The following METTL15 variants were observed in gnomAD, a reference collection of about 807,000 sequenced individuals.
METTL15 encodes the protein 12S rRNA N(4)-cytidine methyltransferase METTL15.
In METTL15, 34 loss-of-function variants were observed where a neutral mutation model predicts 38.3. The observed-to-expected ratio is 0.89, with a 90% CI of 0.68 to 1.18. The LOEUF (loss-of-function observed/expected upper bound fraction) is 1.18. METTL15 is among the 50% of genes most tolerant of loss of function. The probability of loss-of-function intolerance (pLI) is 0.00; values close to 1 mark genes in which losing one functional copy is unlikely to be tolerated. For missense variants in METTL15, 438 were observed against 498.4 expected (o/e 0.88, Z 1.15); for synonymous variants, 162 against 170.9 (o/e 0.95, Z 0.41).
chr11:28,441,870 T>C (rs918531222), intron 6 of METTL15, among the ~76,000 whole-genome samples: 8 of 152,208 alleles, frequency 5.3e-5, no homozygotes, highest in African/African-American at 9.7e-5. Context: ...AATTTCTTGG[T>C]CTAGGTTTTC....
Position 28,146,481 on chromosome 11 carries a change from G to A in METTL15, c.270+32877G>A, listed in dbSNP as rs574850107. ...TGGCAACTTGCTTAATTGTTCTTTG[G>A]TATTTAGATTTTTGTTCTGCTTCAT... On this transcript the variant is annotated intron_variant, in intron 3 of 6. Coordinates refer to ENST00000407364, the MANE Select transcript of METTL15 (RefSeq NM_001113528.2). 3.3e-4 allele frequency among the ~76,000 whole-genome samples: 50 copies of A among 152,050 alleles called. 1 individual carries two copies. In the South Asian group the frequency reaches 9.1e-3, roughly 28 times the overall value.
intron 6 of METTL15, among the ~76,000 whole-genome samples, chr11:28,508,766 C>A (rs1036885254): frequency 6.6e-6 from 1 of 152,166 alleles, no homozygotes; most frequent in Non-Finnish European, 1.5e-5. Context: ...GAATGGGCTA[C>A]CAATACCTCT....
At chr11:28,278,476 T>C (rs565913278) in intron 4 of METTL15, among the ~76,000 whole-genome samples, 1 of 152,274 alleles carries the variant, frequency 6.6e-6, no homozygotes, top group South Asian at 2.1e-4. Context: ...CTCTAGGCCT[T>C]GTATTTGAGA....
At chr11:28,118,072 A>G (rs12294035) in intron 3 of METTL15, among the ~76,000 whole-genome samples, 80,780 of 151,760 alleles carry the variant, frequency 0.53, 22,920 homozygotes, top group African/African-American at 0.73. Flanking sequence ...GCACAATCTC[A>G]GCTTACTGCA....
chr11:28,283,168 G>A (rs139225379), intron 4 of METTL15, among the ~76,000 whole-genome samples: 1 of 152,224 alleles, frequency 6.6e-6, no homozygotes, highest in East Asian at 1.9e-4. Flanking sequence ...TTCTTCCTGT[G>A]CTGTCTCAGA....
At position 28,430,936 on chromosome 11, in the gene METTL15, G is replaced by A. The variant is rs1274254772; in HGVS notation, c.*424+6572G>A. Among the ~76,000 whole-genome samples the A allele has an allele frequency of 2.7e-4, 28 of 105,140 alleles. No individual in the cohort carries two copies. The South Asian group carries it at 4.1e-3, about 15-fold the overall frequency. 69.0% of individuals were successfully genotyped at this position (105,140 alleles called of 152,430 possible). On this transcript the variant is annotated intron_variant and NMD_transcript_variant, in intron 6 of 7. Transcript: ENST00000532947. ...AGCCCCCCGCCCGGCCAGCCGCCCC[G>A]TCCGGGAGGTGAGGGGCGCCTCTGC... is the stretch of plus-strand genomic sequence containing the variant.
At chr11:28,417,487 G>A (rs1043279765) in intron 5 of METTL15, among the ~76,000 whole-genome samples, 8 of 152,176 alleles carry the variant, frequency 5.3e-5, no homozygotes, top group African/African-American at 1.9e-4. Flanking sequence ...AAAAAGCTCA[G>A]ATTGTTAGAT....
chr11:28,226,913 C>A (rs1217327566), intron 4 of METTL15, among the ~76,000 whole-genome samples: 1 of 151,768 alleles, frequency 6.6e-6, no homozygotes, highest in Non-Finnish European at 1.5e-5. Flanking sequence ...CAAATATAAA[C>A]AAGCATGAAA....
At chr11:28,271,900 G>T (rs1444374637) in intron 4 of METTL15, among the ~76,000 whole-genome samples, 1 of 152,084 alleles carries the variant, frequency 6.6e-6, no homozygotes, top group Non-Finnish European at 1.5e-5. Context: ...CAAAAAGTGG[G>T]CAAAGGATAT....
At chr11:28,406,012 C>T (rs1850670607) in intron 5 of METTL15, among the ~76,000 whole-genome samples, 1 of 152,112 alleles carries the variant, frequency 6.6e-6, no homozygotes, top group Non-Finnish European at 1.5e-5. Flanking sequence ...TTAACATAGA[C>T]TTGTAGTATT....
At chr11:28,493,123 TCTC>T (rs779282390) in intron 6 of METTL15, among the ~76,000 whole-genome samples, 1 of 152,158 alleles carries the variant, frequency 6.6e-6, no homozygotes, top group Non-Finnish European at 1.5e-5. Flanking sequence ...GACACAGTCA[TCTC>T]CTCATTCTCC....
intron 3 of METTL15, among the ~76,000 whole-genome samples, chr11:28,175,302 A>C (rs1851028568): frequency 6.6e-6 from 1 of 152,100 alleles, no homozygotes; most frequent in Admixed American, 6.5e-5. Flanking sequence ...GCTGCATAGT[A>C]TTCCATGGTG....
intron 5 of METTL15, among the ~76,000 whole-genome samples, chr11:28,369,428 T>C (rs951773490): frequency 1.3e-5 from 2 of 151,980 alleles, no homozygotes; most frequent in African/African-American, 4.8e-5. Context: ...TATATATATA[T>C]ACATCCAAAT....
chr11:28,129,757 G>A (rs1165092832), intron 3 of METTL15, among the ~76,000 whole-genome samples: 1 of 152,090 alleles, frequency 6.6e-6, no homozygotes, highest in Non-Finnish European at 1.5e-5. Context: ...TTAAAAAGTT[G>A]AATTCAATAA....
intron 3 of METTL15, among the ~76,000 whole-genome samples, chr11:28,161,762 T>C (rs1295087098): frequency 6.6e-6 from 1 of 152,070 alleles, no homozygotes; most frequent in Non-Finnish European, 1.5e-5. Context: ...GAGTGATAAT[T>C]TTGGGATGGT....
chr11:28,240,098 A>G (rs1173535314), intron 4 of METTL15, among the ~76,000 whole-genome samples: 3 of 152,292 alleles, frequency 2.0e-5, no homozygotes, highest in East Asian at 3.9e-4. Flanking sequence ...ATAGATGCCC[A>G]TGATCTATTG....
At chr11:28,515,396 A>G (rs1375935005) in intron 6 of METTL15, among the ~76,000 whole-genome samples, 1 of 152,226 alleles carries the variant, frequency 6.6e-6, no homozygotes, top group African/African-American at 2.4e-5. Flanking sequence ...TATTCATGTA[A>G]CAAGCCAAGA....
intron 3 of METTL15, among the ~76,000 whole-genome samples, chr11:28,176,508 C>T (rs949859998): frequency 3.9e-5 from 6 of 152,120 alleles, no homozygotes; most frequent in Non-Finnish European, 8.8e-5. Context: ...AAAATTAGTA[C>T]AGGAGTATAA....
At chr11:28,192,833 A>G (rs1171600267) in intron 3 of METTL15, among the ~76,000 whole-genome samples, 4 of 152,088 alleles carry the variant, frequency 2.6e-5, no homozygotes, top group Non-Finnish European at 5.9e-5. Context: ...TAGTGCCAAG[A>G]TTGAGAAATC....
Sources: allele counts gnomAD v4.1 joint callset (sites outside exome capture counted in the v4.1 genomes callset), GRCh38; gene constraint gnomAD v4.1.1; transcripts MANE v1.5; gene names NCBI Gene and HGNC (gene_info 2026-07-23, HGNC 2026-07-21).